The following RFTN1 variants were observed in gnomAD, a reference collection of about 807,000 sequenced individuals.
RFTN1 encodes the protein raftlin, lipid raft linker 1.
Under a neutral mutation model 46.5 loss-of-function variants are expected in RFTN1, and 26 were observed. The observed-to-expected ratio is 0.56, with a 90% confidence interval of 0.41 to 0.78. The LOEUF (loss-of-function observed/expected upper bound fraction) is 0.78. Ranked by LOEUF, RFTN1 falls within the 30% of genes least tolerant of loss-of-function variation. The probability of loss-of-function intolerance (pLI) is 0.00; values close to 1 mark genes in which losing one functional copy is unlikely to be tolerated. For missense variants in RFTN1, 693 were observed against 718.7 expected (o/e 0.96, Z 0.41); for synonymous variants, 261 against 284.2 (o/e 0.92, Z 0.82).
intron 3 of RFTN1, among the ~76,000 whole-genome samples, chr3:16,431,060 C>A (rs2075376411): frequency 6.6e-6 from 1 of 152,196 alleles, no homozygotes; most frequent in Non-Finnish European, 1.5e-5. Context: ...TTGGTGCAAG[C>A]CTTGCAAATC....
rs1266408402 is a variant in RFTN1 at position 16,409,402 on chromosome 3, C to T, written c.414G>A (p.Gln138=). ...TCTTAATGAACTCTGGGATGAGTTT[C>T]TGGTCTGTCGGGTGGTCTAAGGAGG... is the stretch of plus-strand genomic sequence containing the variant. The part of the protein sequence containing the change: ...CCSSLDHPTD[Q]KLIPEFIKKI... Residue 138 remains glutamine, a synonymous_variant, in exon 4 of 10, where the codon CAG becomes CAA. Transcript: ENST00000334133. 1.2e-6 allele frequency: 2 copies of T among 1,613,026 alleles called. No individual in the cohort carries two copies. The highest frequency in any genetic ancestry group is 1.7e-6 in the Non-Finnish European group (2 of 1,179,018).
intron 4 of RFTN1, among the ~76,000 whole-genome samples, chr3:16,397,984 C>A (rs569023895): frequency 6.6e-6 from 1 of 152,132 alleles, no homozygotes; most frequent in Non-Finnish European, 1.5e-5. Context: ...CGGTGGCTCA[C>A]GCCTATAATC....
intron 6 of RFTN1, among the ~76,000 whole-genome samples, chr3:16,368,626 G>A (rs527819109): frequency 2.8e-4 from 41 of 145,454 alleles, no homozygotes; most frequent in African/African-American, 1.5e-4. Flanking sequence ...AGCCGAGATC[G>A]CGCCACTGCA....
In RFTN1 at chr3:16,381,831, T is replaced by C. The variant is rs560598082; in HGVS notation, c.442-3729A>G. On this transcript the variant is annotated intron_variant, in intron 4 of 9. Transcript: ENST00000334133. This position sits in a 1 kb window ranked among gnomAD's most constrained non-coding sequence, Gnocchi z 4.2. Reference sequence around the variant, plus strand: ...TAGACATGACAAGGACCGGATCACATATGGCCTTGGATCCATGCCCGCAAA... The same window carrying C: ...TAGACATGACAAGGACCGGATCACACATGGCCTTGGATCCATGCCCGCAAA... 1.3e-5 allele frequency among the ~76,000 whole-genome samples: 2 copies of C among 152,224 alleles called. No individual in the cohort carries two copies. The highest frequency in any genetic ancestry group is 1.9e-4 in the East Asian group (1 of 5,188).
chr3:16,494,634 T>C (rs112774394), intron 1 of RFTN1, among the ~76,000 whole-genome samples: 13 of 152,326 alleles, frequency 8.5e-5, no homozygotes, highest in African/African-American at 3.1e-4. Flanking sequence ...AAAGAAATGT[T>C]AAAGTAATGG....
rs529456464 is a variant in RFTN1, at chr3:16,321,173, G to A, written c.1332+2203C>T. ...TGGCCAGGTGGGCGAGGTATGGGGAGGGGGACAGTCATAGGTTTCCTCGAG... is the reference window on the plus strand; with the variant it reads ...TGGCCAGGTGGGCGAGGTATGGGGAAGGGGACAGTCATAGGTTTCCTCGAG... On this transcript the variant is annotated intron_variant, in intron 9 of 9. Transcript: ENST00000334133. This position sits in a 1 kb window ranked among gnomAD's most constrained non-coding sequence, Gnocchi z 4.8. Among the ~76,000 whole-genome samples the A allele has an allele frequency of 6.6e-6, 1 of 152,140 alleles. No homozygotes were observed. Among genetic ancestry groups the A allele is most frequent in the Non-Finnish European group, 1.5e-5 (1 of 68,016 alleles).
intron 2 of RFTN1, among the ~76,000 whole-genome samples, chr3:16,453,172 A>G (rs1311338587): frequency 6.6e-6 from 1 of 152,242 alleles, no homozygotes; most frequent in Non-Finnish European, 1.5e-5. Context: ...CCAAGCCTGC[A>G]GAGCCACTAA....
At chr3:16,441,299 T>TAAAAAAAA (rs59877269) in intron 2 of RFTN1, among the ~76,000 whole-genome samples, 1 of 47,540 alleles carries the variant, frequency 2.1e-5, no homozygotes, top group East Asian at 5.0e-4. Flanking sequence ...TTCCAAGAAC[T>TAAAAAAAA]AAAAAAAAAA....
Position 16,504,357 on chromosome 3 carries a change from C to G in RFTN1, c.-9+9085G>C, listed in dbSNP as rs1347594911. Among the ~76,000 whole-genome samples, 1 of 152,176 alleles carries G rather than the reference C, an allele frequency of 6.6e-6. No individual in the cohort carries two copies. Among genetic ancestry groups the G allele is most frequent in the African/African-American group, 2.4e-5 (1 of 41,416 alleles). On this transcript the variant is annotated intron_variant, in intron 1 of 9. Coordinates refer to ENST00000334133, the MANE Select transcript of RFTN1 (RefSeq NM_015150.2). The surrounding 1 kb of genome is among the most constrained non-coding windows in gnomAD (Gnocchi z 4.4). The stretch of plus-strand genomic sequence containing the variant: ...AAACTTGGAACCACACTGAACACCA[C>G]CACCCTCATTTTCAGTTCCACACTG...
chr3:16,493,293 G>A (rs1479990820), intron 2 of RFTN1, among the ~76,000 whole-genome samples: 3 of 151,282 alleles, frequency 2.0e-5, no homozygotes, highest in South Asian at 2.1e-4. Context: ...GTGCAGTGGC[G>A]TGATCTCGGC....
At chr3:16,406,778 C>G (rs1212393311) in intron 4 of RFTN1, among the ~76,000 whole-genome samples, 1 of 152,138 alleles carries the variant, frequency 6.6e-6, no homozygotes, top group Non-Finnish European at 1.5e-5. Context: ...AATTGAGGAC[C>G]TGCTGTATGC....
intron 2 of RFTN1, among the ~76,000 whole-genome samples, chr3:16,493,038 C>G (rs544849861): frequency 1.3e-5 from 2 of 152,186 alleles, no homozygotes; most frequent in Non-Finnish European, 2.9e-5. Context: ...AGCCCTCTTG[C>G]GAGATGGCAG....
At chr3:16,434,592 A>C (rs2075465828) in intron 2 of RFTN1, 1 of 152,216 alleles carries the variant, frequency 6.6e-6, no homozygotes, top group African/African-American at 2.4e-5. Context: ...GGACTGTCTT[A>C]GATCTAGAGT....
chr3:16,478,469 T>C (rs2076317725), intron 2 of RFTN1, among the ~76,000 whole-genome samples: 1 of 152,244 alleles, frequency 6.6e-6, no homozygotes, highest in Non-Finnish European at 1.5e-5. Flanking sequence ...CTCCATGATG[T>C]TGTCTCTCAT....
chr3:16,369,960 G>A, intron 6 of RFTN1, 116 bp downstream of exon 6: 1 of 943,708 alleles, frequency 1.1e-6, no homozygotes, highest in Non-Finnish European at 1.7e-6. Context: ...AATGCAGCAT[G>A]GTTATCGGCT....
In RFTN1 at chr3:16,476,523, G is replaced by T. The variant is rs1017863871; in HGVS notation, c.145+17202C>A. 2.0e-5 allele frequency among the ~76,000 whole-genome samples: 3 copies of T among 152,338 alleles called. No individual in the cohort carries two copies. The East Asian group carries it at 5.8e-4, about 29-fold the overall frequency. ...GTTGACAGTGAGTTGGGCAAGGAAA[G>T]AGGCTGTTTGGGGCAAGGTGGTAAA... On this transcript the variant is annotated intron_variant, in intron 2 of 9. Coordinates refer to ENST00000334133, the MANE Select transcript of RFTN1 (RefSeq NM_015150.2).
chr3:16,508,362 G>A (rs2076844326), intron 1 of RFTN1, among the ~76,000 whole-genome samples: 2 of 152,174 alleles, frequency 1.3e-5, no homozygotes, highest in African/African-American at 4.8e-5. Context: ...CTCAGTCCTG[G>A]CAGGGAGCCA....
chr3:16,332,888 G>C (rs151016170), intron 7 of RFTN1, among the ~76,000 whole-genome samples: 1 of 152,172 alleles, frequency 6.6e-6, no homozygotes, highest in African/African-American at 2.4e-5. Context: ...TGGTAGCTAT[G>C]TTCTGTAAAG....
rs539793121 is a variant in RFTN1, at chr3:16,366,476, C to T, written c.1030+3600G>A. Among the ~76,000 whole-genome samples the T allele has an allele frequency of 6.5e-4, 99 of 152,270 alleles. 1 individual carries two copies. Among genetic ancestry groups the T allele is most frequent in the African/African-American group, 2.3e-3 (97 of 41,546 alleles). On this transcript the variant is annotated intron_variant, in intron 6 of 9. Transcript: ENST00000334133. ...CATTCTTGCTTCCATCGGGTCCTGC[C>T]ACCTCCCTAGAGTGACCTTGGAGTC...
Sources: allele counts gnomAD v4.1 joint callset (sites outside exome capture counted in the v4.1 genomes callset), GRCh38; gene constraint gnomAD v4.1.1; non-coding constraint Gnocchi (gnomAD v3.1); transcripts MANE v1.5; gene names NCBI Gene and HGNC (gene_info 2026-07-23, HGNC 2026-07-21).